JPH2: variants seen among roughly 807,000 people sequenced by gnomAD.
JPH2 encodes the protein junctophilin-2.
JPH2 carries 38 observed loss-of-function variants against 55.9 expected under a neutral mutation model. The ratio of observed to expected loss-of-function variants is 0.68; its 90% CI spans 0.52 to 0.89. JPH2 has a LOEUF of 0.89. JPH2 is among the 40% of genes least tolerant of loss of function. JPH2 has a pLI of 0.00. For missense variants in JPH2, 964 were observed against 1,037.6 expected (o/e 0.93, Z 0.97); for synonymous variants, 480 against 472.4 (o/e 1.02, Z -0.21).
At chr20:44,144,791 A>G (rs141204328) in intron 2 of JPH2, among the ~76,000 whole-genome samples, 64 of 152,370 alleles carry the variant, frequency 4.2e-4, no homozygotes, top group African/African-American at 1.3e-3. Flanking sequence ...TGAGGTTTAC[A>G]TGAAATGAGA....
intron 1 of JPH2, among the ~76,000 whole-genome samples, chr20:44,184,795 G>T (rs4810412): frequency 0.87 from 132,801 of 152,246 alleles, 58,069 homozygotes; most frequent in African/African-American, 0.94. Context: ...AAACGTAACT[G>T]TCCTGTCGAG....
rs1312146372 is a variant in JPH2 at position 44,160,375 on chromosome 20, G to T, written c.412C>A (p.Arg138Ser). The T allele has an allele frequency of 3.1e-6, 5 of 1,606,852 alleles. No homozygotes were observed. In the South Asian group the frequency reaches 4.5e-5, roughly 14 times the overall value. ...TYQGQFTNGM[R>S]HGYGVRQSVP... ...CTCTGGCGTACTCCGTAGCCATGGC[G>T]CATGCCGTTGGTGAACTGGCCTTGG... Residue 138 changes from arginine (R) to serine (S), a missense_variant, in exon 2 of 6, where the codon CGC becomes AGC. Physicochemically the swap from Arg to Ser is moderately radical, Grantham distance 110 (BLOSUM62 -1). Coordinates refer to ENST00000372980, the MANE Select transcript of JPH2 (RefSeq NM_020433.5). This position sits in a 1 kb window ranked among gnomAD's most constrained non-coding sequence, Gnocchi z 4.9.
chr20:44,169,173 ATTTTT>A (rs59206814), intron 1 of JPH2, among the ~76,000 whole-genome samples: 52,559 of 136,816 alleles, frequency 0.38, 9,733 homozygotes, highest in Admixed American at 0.51. Flanking sequence ...GGCCTTGGGT[ATTTTT>A]TTTTTTTTTT....
intron 2 of JPH2, among the ~76,000 whole-genome samples, chr20:44,139,080 T>G (rs1272786865): frequency 1.3e-5 from 2 of 152,020 alleles, no homozygotes; most frequent in African/African-American, 4.8e-5. Flanking sequence ...GGATCCACAG[T>G]AACAATAGCT....
At chr20:44,164,241 G>A (rs1025346311) in intron 1 of JPH2, among the ~76,000 whole-genome samples, 1 of 152,200 alleles carries the variant, frequency 6.6e-6, no homozygotes, top group Non-Finnish European at 1.5e-5. Flanking sequence ...AAACCAACAG[G>A]TCGCATTTCC....
intron 2 of JPH2, among the ~76,000 whole-genome samples, chr20:44,135,517 G>A (rs2072405480): frequency 6.6e-6 from 1 of 152,158 alleles, no homozygotes; most frequent in African/African-American, 2.4e-5. Context: ...AGCTCACCCT[G>A]ACTGCCAGCT....
chr20:44,182,918 T>C (rs1452568235), intron 1 of JPH2, among the ~76,000 whole-genome samples: 3 of 152,056 alleles, frequency 2.0e-5, no homozygotes, highest in Non-Finnish European at 4.4e-5. Context: ...AATGAATAGG[T>C]TTTCCTCTTT....
intron 1 of JPH2, among the ~76,000 whole-genome samples, chr20:44,167,743 C>T (rs1569214959): frequency 6.6e-6 from 1 of 152,124 alleles, no homozygotes. Flanking sequence ...TTTAAGCCTG[C>T]GGAGCCTCAG....
At chr20:44,151,994 A>G (rs1307937154) in intron 2 of JPH2, among the ~76,000 whole-genome samples, 4 of 152,074 alleles carry the variant, frequency 2.6e-5, no homozygotes, top group African/African-American at 9.7e-5. Flanking sequence ...TGGGACAGCT[A>G]GTTGCTCTTT....
intron 5 of JPH2, among the ~76,000 whole-genome samples, chr20:44,114,567 T>TGA (rs1346369406): frequency 1.5e-4 from 1 of 6,888 alleles, no homozygotes; most frequent in Non-Finnish European, 2.9e-4. Flanking sequence ...ATGAAGTAAG[T>TGA]GTGTGTGTGT....
intron 2 of JPH2, among the ~76,000 whole-genome samples, chr20:44,152,138 G>A (rs1198019331): frequency 6.6e-6 from 1 of 152,194 alleles, no homozygotes; most frequent in African/African-American, 2.4e-5. Flanking sequence ...GGTGTCCAGC[G>A]CCCTGGCACA....
rs1388490040 is a variant in JPH2, at chr20:44,109,030, T to C, written c.*4488A>G. On this transcript the variant is annotated 3_prime_UTR_variant, in exon 6 of 6. Coordinates refer to ENST00000372980, the MANE Select transcript of JPH2 (RefSeq NM_020433.5). ...TTCTGAATCATCACATCCACTAATA[T>C]CCAATAGACAAATGTCCCCTGCCAC... is the stretch of plus-strand genomic sequence containing the variant. 6.6e-6 allele frequency among the ~76,000 whole-genome samples: 1 copy of C among 152,076 alleles called. No homozygotes were observed. The highest frequency in any genetic ancestry group is 1.5e-5 in the Non-Finnish European group (1 of 68,014).
rs547995025 is a variant in JPH2, at chr20:44,109,550, T to C, written c.*3968A>G. On this transcript the variant is annotated 3_prime_UTR_variant, in exon 6 of 6. Transcript: ENST00000372980. The stretch of plus-strand genomic sequence containing the variant: ...CCTGACCTACGGCCACCTGACTCCA[T>C]TGAGTGTACCAGCAAGACAGGCTGA... Among the ~76,000 whole-genome samples the C allele has an allele frequency of 1.3e-5, 2 of 152,238 alleles. No homozygotes were observed. Among genetic ancestry groups the C allele is most frequent in the South Asian group, 2.1e-4 (1 of 4,812 alleles).
In JPH2 at chr20:44,134,229, TATAA is replaced by T. The variant is rs1159449283; in HGVS notation, c.1170-15610_1170-15607del. 6.1e-4 allele frequency among the ~76,000 whole-genome samples: 21 copies of T among 34,336 alleles called. 8 individuals are homozygous for T. Among genetic ancestry groups the T allele is most frequent in the African/African-American group, 2.0e-3 (16 of 7,876 alleles). 22.5% of individuals were successfully genotyped at this position (34,336 alleles called of 152,430 possible). A position where few individuals can be genotyped will look rare whatever the true frequency, so the allele number is the denominator to read the frequency against. On this transcript the variant is annotated intron_variant, in intron 2 of 5. Transcript: ENST00000372980. ...TAAATATATATTTATTATAAATATA[TATAA>T]ATATTTATTATAAATACATATAAAT...
chr20:44,160,541 G>T lies in JPH2; in HGVS notation c.380-134C>A. 1 of 862,548 alleles carries T rather than the reference G, an allele frequency of 1.2e-6. No homozygotes were observed. The highest frequency in any genetic ancestry group is 1.9e-6 in the Non-Finnish European group (1 of 534,376). The allele number at this position is 862,548 out of a possible 1,614,324, so 53.4% of individuals were successfully genotyped here. ...AGGCGCAAGGCCGTCTGAGGGTCAGGGTGCACAGTGCTATGAGTGTTTGAG... is the reference window on the plus strand; with the variant it reads ...AGGCGCAAGGCCGTCTGAGGGTCAGTGTGCACAGTGCTATGAGTGTTTGAG... On this transcript the variant is annotated intron_variant, in intron 1 of 5. Coordinates refer to ENST00000372980, the MANE Select transcript of JPH2 (RefSeq NM_020433.5). The surrounding 1 kb of genome is among the most constrained non-coding windows in gnomAD (Gnocchi z 4.9).
In JPH2 at chr20:44,131,308, G is replaced by A. The variant is rs544406631; in HGVS notation, c.1170-12685C>T. On this transcript the variant is annotated intron_variant, in intron 2 of 5. Coordinates refer to ENST00000372980, the MANE Select transcript of JPH2 (RefSeq NM_020433.5). The stretch of plus-strand genomic sequence containing the variant: ...AGAAACTGGATCCTACCAATACCAC[G>A]TGTTTGAGAAATGGATATTTCCCTG... Among the ~76,000 whole-genome samples, 123 of 152,252 alleles carry A rather than the reference G, an allele frequency of 8.1e-4. 1 individual carries two copies. In the South Asian group the frequency reaches 0.013, roughly 16 times the overall value.
At chr20:44,147,936 G>A (rs2145869191) in intron 2 of JPH2, among the ~76,000 whole-genome samples, 1 of 152,306 alleles carries the variant, frequency 6.6e-6, no homozygotes, top group African/African-American at 2.4e-5. Context: ...GCCGAGGCGG[G>A]TGGATCATTT....
At chr20:44,134,505 A>T (rs1358140378) in intron 2 of JPH2, among the ~76,000 whole-genome samples, 7 of 220 alleles carry the variant, frequency 0.032, no homozygotes, top group Non-Finnish European at 0.059. Context: ...ATTATATATA[A>T]ATAATATATA....
In JPH2 at chr20:44,179,646, T is replaced by C. The variant is rs200877622; in HGVS notation, c.379+6681A>G. 7.2e-5 allele frequency among the ~76,000 whole-genome samples: 11 copies of C among 152,222 alleles called. No individual in the cohort carries two copies. In the East Asian group the frequency reaches 2.1e-3, roughly 29 times the overall value. On this transcript the variant is annotated intron_variant, in intron 1 of 5. Transcript: ENST00000372980. ...TCTGTTGTCCCCATCTTAAAATTCT[T>C]AATGATTTTAAAGAAGGGGTCCACA...
Sources: gnomAD v4.1 joint callset for allele counts (sites outside exome capture counted in the v4.1 genomes callset) on GRCh38, gnomAD v4.1.1 for gene constraint, Gnocchi (gnomAD v3.1) non-coding constraint, MANE v1.5 for transcripts, NCBI Gene and HGNC (gene_info 2026-07-23, HGNC 2026-07-21) for gene names.